Variants in MEGF8 observed in about 807,000 individuals in gnomAD.
The protein encoded by MEGF8 is multiple EGF like domains 8.
A neutral mutation model predicts 302.9 loss-of-function variants in MEGF8; 156 were observed. The observed-to-expected ratio is 0.52, with a 90% CI of 0.45 to 0.59. The LOEUF is 0.59. Ranked by LOEUF, MEGF8 falls within the 20% of genes least tolerant of loss-of-function variation. MEGF8 has a pLI of 0.00. For missense variants in MEGF8, 3,345 were observed against 3,964.5 expected (o/e 0.84, Z 4.20); for synonymous variants, 1,621 against 1,660.5 (o/e 0.98, Z 0.58).
rs929955230 is a variant in MEGF8, at chr19:42,336,119, T to A, written c.1017T>A (p.Ala339=). 1.6e-5 allele frequency: 26 copies of A among 1,607,724 alleles called. No homozygotes were observed. In the Middle Eastern group the frequency reaches 8.2e-4, roughly 51 times the overall value. ...SGPPGLAGHA[A]ALVDDVWLYV... is the part of the protein sequence containing the mutation. ...CCCCAGGCCTGGCAGGTCACGCGGCTGCCCTGGTGGATGATGTCTGGCTAT... is the reference window on the plus strand; with the variant it reads ...CCCCAGGCCTGGCAGGTCACGCGGCAGCCCTGGTGGATGATGTCTGGCTAT... Residue 339 remains alanine, a synonymous_variant, in exon 6 of 42, where the codon GCT becomes GCA. Coordinates refer to ENST00000251268, the MANE Select transcript of MEGF8 (RefSeq NM_001271938.2). The surrounding 1 kb of genome is among the most constrained non-coding windows in gnomAD (Gnocchi z 4.8).
In MEGF8 at chr19:42,362,516, G is replaced by C; in HGVS notation, c.5977G>C (p.Glu1993Gln). 6.2e-7 allele frequency: 1 copy of C among 1,613,810 alleles called. No homozygotes were observed. Among genetic ancestry groups the C allele is most frequent in the Non-Finnish European group, 8.5e-7 (1 of 1,179,890 alleles). The change falls in exon 34 of 42, where the codon GAG becomes CAG. Residue 1993 changes from glutamate (E) to glutamine (Q), a missense_variant. Glu to Gln is a conservative substitution (Grantham distance 29, BLOSUM62 2). Coordinates refer to ENST00000251268, the MANE Select transcript of MEGF8 (RefSeq NM_001271938.2). ...REVFWAGNCS[E>Q]AACGAADCEQ... ...GGTCTTCTGGGCAGGGAACTGCTCCGAGGCTGCGTGCGGGGCTGCTGACTG... is the reference window on the plus strand; with the variant it reads ...GGTCTTCTGGGCAGGGAACTGCTCCCAGGCTGCGTGCGGGGCTGCTGACTG...
rs1352190097 is a variant in MEGF8, at chr19:42,358,567, C to T, written c.5176-220C>T. On this transcript the variant is annotated intron_variant, in intron 29 of 41. Coordinates refer to ENST00000251268, the MANE Select transcript of MEGF8 (RefSeq NM_001271938.2). The surrounding 1 kb of genome is among the most constrained non-coding windows in gnomAD (Gnocchi z 4.4). The stretch of plus-strand genomic sequence containing the variant: ...CGGCCCTGGCAGGCCCCTTCCCCGT[C>T]CTGGGTTTTTCCACTCGTATAAACC... Among the ~76,000 whole-genome samples, 8 of 152,210 alleles carry T rather than the reference C, an allele frequency of 5.3e-5. No homozygotes were observed. Among genetic ancestry groups the T allele is most frequent in the Admixed American group, 5.2e-4 (8 of 15,288 alleles).
chr19:42,355,693 C>T (rs2039440642), intron 23 of MEGF8, 65 bp from the exon 24 acceptor site: 2 of 1,484,578 alleles, frequency 1.3e-6, no homozygotes, highest in Non-Finnish European at 1.8e-6. Context: ...GTTTTCTTAG[C>T]ATCTGGGGGT....
Position 42,360,959 on chromosome 19 carries a change from C to T in MEGF8, c.5673C>T (p.Ala1891=), listed in dbSNP as rs1226523761. ...SSPEACNQSG[A]CTWCHGACLS... Reference sequence around the variant, plus strand: ...CTGAAGCTTGTAACCAGTCTGGGGCCTGCACCTGGTGCCATGGGGCCTGCT... The same window carrying T: ...CTGAAGCTTGTAACCAGTCTGGGGCTTGCACCTGGTGCCATGGGGCCTGCT... The change falls in exon 32 of 42, where the codon GCC becomes GCT. Residue 1891 remains alanine (A), a synonymous_variant. Transcript: ENST00000251268. The T allele has an allele frequency of 1.3e-6, 2 of 1,588,118 alleles. No individual in the cohort carries two copies. Among genetic ancestry groups the T allele is most frequent in the East Asian group, 2.2e-5 (1 of 44,480 alleles).
rs751571654 is a variant in MEGF8 at position 42,352,246 on chromosome 19, G to A, written c.3140G>A (p.Gly1047Asp). 13 of 1,558,302 alleles carry A rather than the reference G, an allele frequency of 8.3e-6. No homozygotes were observed. The East Asian group carries it at 1.4e-4, about 17-fold the overall frequency. Residue 1047 changes from glycine (G) to aspartate (D), a missense_variant, in exon 19 of 42, where the codon GGT (glycine) becomes GAT (aspartate). Coordinates refer to ENST00000251268, the MANE Select transcript of MEGF8 (RefSeq NM_001271938.2). This position sits in a 1 kb window ranked among gnomAD's most constrained non-coding sequence, Gnocchi z 4.4. The part of the protein sequence containing the change: ...QGDFSGPLGG[G>D]NCSLWVGEGL... ...GACTTCTCAGGGCCCCTCGGTGGGG[G>A]TAACTGCTCCCTGTGGGTGGGGGAG...
In MEGF8 at chr19:42,363,256, G is replaced by A. The variant is rs934116600; in HGVS notation, c.6267G>A (p.Leu2089=). Residue 2089 remains leucine, a synonymous_variant, in exon 35 of 42, where the codon CTG becomes CTA. Coordinates refer to ENST00000251268, the MANE Select transcript of MEGF8 (RefSeq NM_001271938.2). ...GWQHCVWSSS[L]QQCLSPSYLP... ...AGCACTGTGTTTGGAGCAGCAGCCTGCAGCAGGTACTGCACCTGGCCAGGA... is the reference window on the plus strand; with the variant it reads ...AGCACTGTGTTTGGAGCAGCAGCCTACAGCAGGTACTGCACCTGGCCAGGA... The A allele has an allele frequency of 4.4e-6, 7 of 1,593,430 alleles. No individual in the cohort carries two copies. Among genetic ancestry groups the A allele is most frequent in the Non-Finnish European group, 5.1e-6 (6 of 1,170,052 alleles).
Position 42,349,540 on chromosome 19 carries a change from G to T in MEGF8, c.2340G>T (p.Thr780=), listed in dbSNP as rs776196677. ...GGGTGGCTCATCAGGAGAAGGAGAC[G>T]CGGCGGCTGCAGCGCCCTGGGTCTG... ...GRWVAHQEKE[T]RRLQRPGSAR... Residue 780 remains threonine (T), a synonymous_variant, in exon 14 of 42, where the codon ACG becomes ACT. Coordinates refer to ENST00000251268, the MANE Select transcript of MEGF8 (RefSeq NM_001271938.2). 1.4e-5 allele frequency: 23 copies of T among 1,611,836 alleles called. 1 individual carries two copies. The highest frequency in any genetic ancestry group is 1.7e-4 in the Middle Eastern group (1 of 5,924).
chr19:42,361,437 C>T (rs919042406), intron 32 of MEGF8, among the ~76,000 whole-genome samples: 3 of 152,222 alleles, frequency 2.0e-5, no homozygotes, highest in Admixed American at 6.5e-5. Context: ...AGACTCACTT[C>T]GCTGCCCAGT....
intron 32 of MEGF8, among the ~76,000 whole-genome samples, 174 bp from the exon 33 acceptor site, chr19:42,361,916 G>T (rs1471362473): frequency 6.6e-6 from 1 of 152,200 alleles, no homozygotes; most frequent in African/African-American, 2.4e-5. Flanking sequence ...CAGCCTGGGT[G>T]ACAGGTGGAT....
In MEGF8 at chr19:42,336,877, C is replaced by T. The variant is rs769862975; in HGVS notation, c.1315C>T (p.Arg439Trp). Residue 439 changes from arginine to tryptophan, a missense_variant, in exon 7 of 42, where the codon CGG (arginine) becomes TGG (tryptophan). Arg to Trp is a moderately radical substitution (Grantham distance 101, BLOSUM62 -3). Coordinates refer to ENST00000251268, the MANE Select transcript of MEGF8 (RefSeq NM_001271938.2). The surrounding 1 kb of genome is among the most constrained non-coding windows in gnomAD (Gnocchi z 4.8). ...DRHVWTTLKGRDGLQGPRERA... is the reference protein window; with the variant it reads ...DRHVWTTLKGWDGLQGPRERA... ...GCATGTGTGGACGACGCTGAAGGGG[C>T]GGGATGGGCTTCAGGGCCCAAGGGA... The T allele has an allele frequency of 2.6e-5, 42 of 1,613,048 alleles. No individual in the cohort carries two copies. In the Admixed American group the frequency reaches 4.0e-4, roughly 15 times the overall value.
Position 42,336,790 on chromosome 19 carries a change from TG to T in MEGF8, c.1245-16del. ...CGCTTCCTGCCCTGAGCCCCTGCCC[TG>T]CTTCTCCTTCGGTAGGTTCTCTGTG... On this transcript the variant is annotated splice_polypyrimidine_tract_variant and intron_variant, in intron 6 of 41. Transcript: ENST00000251268. This position sits in a 1 kb window ranked among gnomAD's most constrained non-coding sequence, Gnocchi z 4.8. 1 of 1,567,810 alleles carries T rather than the reference TG, an allele frequency of 6.4e-7. No homozygotes were observed. Among genetic ancestry groups the T allele is most frequent in the Non-Finnish European group, 8.6e-7 (1 of 1,157,812 alleles).
Position 42,334,163 on chromosome 19 carries a change from G to A in MEGF8, c.508G>A (p.Gly170Ser). ...GCCGGGCTGGGGGGGTCCTGACTGT[G>A]GCCTGCAGGAGTGCTCAGCCTACTG... The part of the protein sequence containing the change: ...CEPGWGGPDC[G>S]LQECSAYCGS... Residue 170 changes from glycine (G) to serine (S), a missense_variant, in exon 3 of 42, where the codon GGC becomes AGC. Physicochemically the swap from Gly to Ser is moderately conservative, Grantham distance 56. Transcript: ENST00000251268. 4.3e-6 allele frequency: 7 copies of A among 1,611,172 alleles called. No homozygotes were observed. Among genetic ancestry groups the A allele is most frequent in the Non-Finnish European group, 5.9e-6 (7 of 1,179,562 alleles).
intron 41 of MEGF8, among the ~76,000 whole-genome samples, chr19:42,374,724 G>A (rs904040684): frequency 1.3e-4 from 20 of 152,206 alleles, no homozygotes; most frequent in African/African-American, 4.8e-4. Flanking sequence ...TTAGGAGTTT[G>A]CATTCTCATG....
At chr19:42,349,403 G>GGGGTGGGGTACA in intron 13 of MEGF8, 96 bp from the exon 14 acceptor site, 1 of 1,077,296 alleles carries the variant, frequency 9.3e-7, no homozygotes, top group Non-Finnish European at 1.3e-6. Context: ...TTCTTAGGAG[G>GGGGTGGGGTACA]GGGTGGGGTA....
rs1192891057 is a variant in MEGF8 at position 42,326,439 on chromosome 19, G to C, written c.187+9G>C. ...CGAGTGGCTCATCGAGGGTGAGTGG[G>C]GCCGCGTGGGTCACTCACTAATTCG... On this transcript the variant is annotated intron_variant, in intron 1 of 41. Transcript: ENST00000251268. 6.6e-7 allele frequency: 1 copy of C among 1,525,944 alleles called. No homozygotes were observed. The highest frequency in any genetic ancestry group is 2.6e-5 in the East Asian group (1 of 38,422). 94.5% of individuals were successfully genotyped at this position (1,525,944 alleles called of 1,614,324 possible).
Position 42,377,489 on chromosome 19 carries a change from TATTTAAGA to T in MEGF8, c.*723_*730del, listed in dbSNP as rs1215761469. The T allele has an allele frequency of 2.0e-5, 3 of 152,572 alleles. No homozygotes were observed. The highest frequency in any genetic ancestry group is 4.4e-5 in the Non-Finnish European group (3 of 68,056). The allele number at this position is 152,572 out of a possible 1,614,324, so 9.5% of individuals were successfully genotyped here. On this transcript the variant is annotated 3_prime_UTR_variant, in exon 42 of 42. Coordinates refer to ENST00000251268, the MANE Select transcript of MEGF8 (RefSeq NM_001271938.2). ...GGGGAGTGACAGGATCCGATGTACC[TATTTAAGA>T]ATTTAAGAGGGTCGGGTGCGGTGGC...
chr19:42,349,512 G>T lies in MEGF8; in HGVS notation c.2312G>T (p.Arg771Leu), dbSNP rs751917185. The change falls in exon 14 of 42, where the codon CGC becomes CTC. Residue 771 changes from arginine (R) to leucine (L), a missense_variant. Physicochemically the swap from Arg to Leu is moderately radical, Grantham distance 102. Coordinates refer to ENST00000251268, the MANE Select transcript of MEGF8 (RefSeq NM_001271938.2). Reference sequence around the variant, plus strand: ...CACCTACCCCAGGAGGAGGTGGGGCGCTGGGTGGCTCATCAGGAGAAGGAG... The same window carrying T: ...CACCTACCCCAGGAGGAGGTGGGGCTCTGGGTGGCTCATCAGGAGAAGGAG... ...PDTENMEEVGRWVAHQEKETR... is the reference protein window; with the variant it reads ...PDTENMEEVGLWVAHQEKETR... 5.6e-6 allele frequency: 9 copies of T among 1,611,446 alleles called. No homozygotes were observed. Among genetic ancestry groups the T allele is most frequent in the East Asian group, 2.2e-5 (1 of 44,856 alleles).
intron 41 of MEGF8, among the ~76,000 whole-genome samples, chr19:42,374,600 T>C (rs1444116498): frequency 2.0e-5 from 3 of 152,042 alleles, no homozygotes; most frequent in Non-Finnish European, 4.4e-5. Context: ...ATAGCCGTTA[T>C]CTATCCAGCC....
Position 42,335,380 on chromosome 19 carries a change from GC to G in MEGF8, c.827del (p.Pro276ArgfsTer18), listed in dbSNP as rs2039112394. On this transcript the variant is annotated frameshift_variant, in exon 5 of 42. Transcript: ENST00000251268. LOFTEE classifies it high-confidence loss of function. The stretch of plus-strand genomic sequence containing the variant: ...CTGGGAGTCTTGGGACCTGAGTCCT[GC>G]CCCGGTATGGACCCCTCCTCTGCCC... ...NTWESWDLSP[A>X]PAARHSHVAV... 6.2e-7 allele frequency: 1 copy of G among 1,613,790 alleles called. No homozygotes were observed. The highest frequency in any genetic ancestry group is 8.5e-7 in the Non-Finnish European group (1 of 1,179,796).
Sources: allele counts gnomAD v4.1 joint callset (sites outside exome capture counted in the v4.1 genomes callset), GRCh38; gene constraint gnomAD v4.1.1; non-coding constraint Gnocchi (gnomAD v3.1); transcripts MANE v1.5; gene names NCBI Gene and HGNC (gene_info 2026-07-23, HGNC 2026-07-21).